Variants in ZNF469 observed in about 807,000 individuals in gnomAD.
The protein encoded by ZNF469 is zinc finger protein 469.
A neutral mutation model predicts 1.0 loss-of-function variants in ZNF469; 1 was observed. That is an observed-to-expected ratio of 1.00 (90% CI 0.35 to 4.73). The LOEUF (loss-of-function observed/expected upper bound fraction) is 4.73, where lower values mean the gene tolerates loss of function less well. ZNF469 is among the 30% of genes most tolerant of loss of function. The pLI, the probability that ZNF469 is intolerant of heterozygous loss-of-function variation, is 0.16. For synonymous variants in ZNF469, 2,703 were observed against 2,363.4 expected (o/e 1.14, Z -4.17); for missense variants, 6,100 against 5,356.3 (o/e 1.14, Z -4.33).
At chr16:88,193,066 ATGGTGGTGGTGGTGATGGTGG>A in the ZNF469 span, among the ~76,000 whole-genome samples, 2 of 46,220 alleles carry the variant, frequency 4.3e-5, no homozygotes, top group East Asian at 1.2e-3. Context: ...GATGGTGGTG[ATGGTGGTGGTGGTGATGGTGG>A]TGGTGATGGT....
the ZNF469 span, among the ~76,000 whole-genome samples, chr16:88,158,020 C>T: frequency 8.5e-5 from 13 of 152,194 alleles, no homozygotes; most frequent in African/African-American, 2.6e-4. Flanking sequence ...GGGCCGGCAA[C>T]GTGGTCAGGT....
At chr16:88,380,835 C>T (rs1445945422), upstream of ZNF469, among the ~76,000 whole-genome samples, 1 of 149,420 alleles carries the variant, frequency 6.7e-6, no homozygotes, top group African/African-American at 2.5e-5. Context: ...CACACACGCA[C>T]TCACACAGAC....
chr16:88,310,969 C>A, the ZNF469 span, among the ~76,000 whole-genome samples: 1 of 152,314 alleles, frequency 6.6e-6, no homozygotes, highest in South Asian at 2.1e-4. Flanking sequence ...ATTCACCGTG[C>A]ACCCTCACAG....
the ZNF469 span, among the ~76,000 whole-genome samples, chr16:88,326,229 G>A: frequency 6.6e-6 from 1 of 152,216 alleles, no homozygotes; most frequent in African/African-American, 2.4e-5. Context: ...CTGTTCTCGT[G>A]ATAGTGAATA....
the ZNF469 span, among the ~76,000 whole-genome samples, chr16:88,247,542 G>GAGTGAGTGAGTGAATC: frequency 6.5e-3 from 984 of 151,836 alleles, 8 homozygotes; most frequent in Middle Eastern, 0.017. Context: ...GTGAGTGAAT[G>GAGTGAGTGAGTGAATC]AGTGAATGAA....
At chr16:88,159,118 TGC>T in the ZNF469 span, among the ~76,000 whole-genome samples, 4 of 14,348 alleles carry the variant, frequency 2.8e-4, no homozygotes, top group African/African-American at 4.5e-4. Context: ...CACAGGGCTG[TGC>T]AGACCATTCT....
chr16:88,254,689 C>T, the ZNF469 span, among the ~76,000 whole-genome samples: 5 of 152,096 alleles, frequency 3.3e-5, no homozygotes, highest in African/African-American at 1.2e-4. Context: ...TCCTGGGAGG[C>T]GGAGGTTGCA....
intron 1 of ZNF469, among the ~76,000 whole-genome samples, chr16:88,419,820 C>G (rs1309833818): frequency 6.6e-6 from 1 of 152,268 alleles, no homozygotes; most frequent in Non-Finnish European, 1.5e-5. Context: ...CCCATGTCCC[C>G]ACTCTTCTCT....
chr16:88,247,615 TTTGA>T, the ZNF469 span, among the ~76,000 whole-genome samples: 41,408 of 148,370 alleles, frequency 0.28, 6,310 homozygotes, highest in South Asian at 0.46. Context: ...TGAGTGAATG[TTTGA>T]TTGAATGAGT....
the ZNF469 span, among the ~76,000 whole-genome samples, chr16:88,167,325 G>A: frequency 6.6e-6 from 1 of 152,118 alleles, no homozygotes; most frequent in Non-Finnish European, 1.5e-5. Flanking sequence ...GCCTCTCAAA[G>A]TGCTGGGATT....
chr16:88,126,343 G>C, the ZNF469 span, among the ~76,000 whole-genome samples: 1 of 151,562 alleles, frequency 6.6e-6, no homozygotes, highest in East Asian at 1.9e-4. Context: ...TACAATGTGA[G>C]ATAGAAGTGA....
At chr16:88,335,519 G>A in the ZNF469 span, among the ~76,000 whole-genome samples, 2 of 152,176 alleles carry the variant, frequency 1.3e-5, no homozygotes, top group East Asian at 3.9e-4. Flanking sequence ...CCCCCTCCTC[G>A]GCCCCTCAGG....
At chr16:88,120,689 G>C in the ZNF469 span, among the ~76,000 whole-genome samples, 1 of 152,236 alleles carries the variant, frequency 6.6e-6, no homozygotes, top group Non-Finnish European at 1.5e-5. Context: ...ACTGCACCGG[G>C]ACACGTCAGG....
chr16:88,349,508 C>T, the ZNF469 span, among the ~76,000 whole-genome samples: 1 of 145,300 alleles, frequency 6.9e-6, no homozygotes, highest in Non-Finnish European at 1.5e-5. Flanking sequence ...CACACACACT[C>T]TACACAATAC....
chr16:88,377,613 A>C, the ZNF469 span, among the ~76,000 whole-genome samples: 2 of 150,682 alleles, frequency 1.3e-5, no homozygotes, highest in African/African-American at 4.9e-5. Context: ...AGGCCCTGAC[A>C]CTCCCTCCCT....
the ZNF469 span, among the ~76,000 whole-genome samples, chr16:88,146,292 C>T: frequency 6.6e-6 from 1 of 152,212 alleles, no homozygotes; most frequent in Non-Finnish European, 1.5e-5. Flanking sequence ...CGCTGCGGGC[C>T]ACCGTAGCAC....
At chr16:88,301,346 G>C in the ZNF469 span, among the ~76,000 whole-genome samples, 10 of 152,048 alleles carry the variant, frequency 6.6e-5, no homozygotes, top group Admixed American at 6.6e-4. Flanking sequence ...AGTAGAGACG[G>C]GGTCTCACCA....
Position 88,434,124 on chromosome 16 carries a change from G to A in ZNF469, c.6654G>A (p.Glu2218=). ...TGGCTGGTTGCCTTCTCCAGGGGGA[G>A]GGCAGCCCCCTGGAAGACCCTTCCT... ...EALAGCLLQG[E]GSPLEDPSSW... is the part of the protein sequence containing the mutation. Residue 2218 remains glutamate (E), a synonymous_variant, in exon 3 of 3, where the codon GAG becomes GAA. Transcript: ENST00000565624. 1 of 1,550,342 alleles carries A rather than the reference G, an allele frequency of 6.5e-7. No homozygotes were observed. The highest frequency in any genetic ancestry group is 1.4e-5 in the African/African-American group (1 of 73,156).
the ZNF469 span, among the ~76,000 whole-genome samples, chr16:88,113,902 C>T: frequency 6.1e-3 from 924 of 152,272 alleles, 7 homozygotes; most frequent in Admixed American, 0.012. Context: ...AAGTTCTTGC[C>T]GCACTGAGAG....
Sources: allele counts gnomAD v4.1 joint callset (sites outside exome capture counted in the v4.1 genomes callset), GRCh38; gene constraint gnomAD v4.1.1; transcripts MANE v1.5; gene names NCBI Gene and HGNC (gene_info 2026-07-23, HGNC 2026-07-21).